The following DIPK2B variants were observed in gnomAD, a reference collection of about 807,000 sequenced individuals.
The protein encoded by DIPK2B is UPF0672 protein CXorf36.
A neutral mutation model predicts 22.2 loss-of-function variants in DIPK2B; 15 were observed. That is an observed-to-expected ratio of 0.68 (90% confidence interval 0.45 to 1.04). DIPK2B has a LOEUF of 1.04. Ranked by LOEUF, DIPK2B falls within the 50% of genes least tolerant of loss-of-function variation. DIPK2B has a pLI of 0.00. For synonymous variants in DIPK2B, 163 were observed against 153.2 expected, an observed-to-expected ratio of 1.06 and a Z score of -0.47; for missense variants, 345 against 348.3, an observed-to-expected ratio of 0.99 and a Z score of 0.08.
intron 2 of DIPK2B, among the ~76,000 whole-genome samples, chrX:45,174,531 AG>A (rs1460951276): frequency 9.0e-6 from 1 of 110,648 alleles, no homozygotes; most frequent in East Asian, 2.8e-4. Flanking sequence ...AAATCCAGGT[AG>A]GCTTCACAGA....
At chrX:45,184,897 CA>C (rs2047173612) in intron 2 of DIPK2B, among the ~76,000 whole-genome samples, 1 of 111,415 alleles carries the variant, frequency 9.0e-6, no homozygotes, top group African/African-American at 3.3e-5. Flanking sequence ...CTCTGTGGCT[CA>C]AAAGATAATG....
At chrX:45,162,833 T>A in intron 2 of DIPK2B, 1 of 754,473 alleles carries the variant, frequency 1.3e-6, no homozygotes, top group South Asian at 6.7e-5. Context: ...AACCAGTCAA[T>A]GTCTCTATTG....
At chrX:45,167,181 T>C (rs917805733) in intron 2 of DIPK2B, among the ~76,000 whole-genome samples, 1 of 112,305 alleles carries the variant, frequency 8.9e-6, no homozygotes, top group Non-Finnish European at 1.9e-5. Context: ...AACTCTTTTT[T>C]GGTTTGTGTC....
chrX:45,178,083 T>C (rs7057956), intron 2 of DIPK2B, among the ~76,000 whole-genome samples: 45,735 of 110,110 alleles, frequency 0.42, 7,812 homozygotes, highest in African/African-American at 0.66. Context: ...GTGCTTTTCT[T>C]ATCTGCTGTA....
At chrX:45,178,291 G>A (rs1189374393) in intron 2 of DIPK2B, among the ~76,000 whole-genome samples, 1 of 112,073 alleles carries the variant, frequency 8.9e-6, no homozygotes, top group Non-Finnish European at 1.9e-5. Context: ...AATTAAGAAA[G>A]ATGGCTTTAA....
intron 2 of DIPK2B, chrX:45,164,240 G>T: frequency 2.5e-6 from 3 of 1,199,704 alleles, no homozygotes; most frequent in Non-Finnish European, 3.4e-6. Flanking sequence ...CTCTGGCCCT[G>T]GTGACAGTCC....
At chrX:45,175,797 A>T (rs1366949911) in intron 2 of DIPK2B, among the ~76,000 whole-genome samples, 1 of 106,240 alleles carries the variant, frequency 9.4e-6, no homozygotes, top group Non-Finnish European at 1.9e-5. Context: ...AGTAAAAAAA[A>T]TTGAAGAAAA....
intron 2 of DIPK2B, chrX:45,163,740 G>C: frequency 6.6e-6 from 5 of 758,157 alleles, no homozygotes; most frequent in Non-Finnish European, 7.8e-6. Context: ...TCCATCACTA[G>C]GGCAAGAACA....
chrX:45,156,831 GTGTTTATTAAC>G (rs2046998189), intron 3 of DIPK2B, among the ~76,000 whole-genome samples: 1 of 111,457 alleles, frequency 9.0e-6, no homozygotes, highest in Admixed American at 9.5e-5. Context: ...CCTTTGGCCG[GTGTTTATTAAC>G]TGTCTTTGCT....
rs778708679 is a variant in DIPK2B, at chrX:45,153,474, T to TAGTGTGTG, written c.961+435_961+436insCACACACT. Among the ~76,000 whole-genome samples the TAGTGTGTG allele has an allele frequency of 3.5e-3, 259 of 73,857 alleles. 2 individuals carry two copies. The highest frequency in any genetic ancestry group is 0.013 in the African/African-American group (242 of 19,215). The allele number at this position is 73,857 out of a possible 115,157, so 64.1% of individuals were successfully genotyped here. On this transcript the variant is annotated intron_variant, in intron 4 of 4. Coordinates refer to ENST00000398000, the MANE Select transcript of DIPK2B (RefSeq NM_176819.4). ...TGAGTGGGAGATGGACCCAAAAGTTTTGTGTGTGTGTGTGTGTGTGTGTGT... is the reference window on the plus strand; with the variant it reads ...TGAGTGGGAGATGGACCCAAAAGTTTAGTGTGTGTGTGTGTGTGTGTGTGTGTGTGTGT...
intron 3 of DIPK2B, among the ~76,000 whole-genome samples, chrX:45,156,620 C>T (rs779442819): frequency 1.4e-4 from 16 of 111,393 alleles, no homozygotes; most frequent in Non-Finnish European, 2.8e-4. Context: ...CTATTGCTGA[C>T]GTTGGCTAAA....
intron 2 of DIPK2B, among the ~76,000 whole-genome samples, chrX:45,186,588 T>C (rs949903902): frequency 1.8e-5 from 2 of 112,835 alleles, no homozygotes; most frequent in Admixed American, 1.9e-4. Flanking sequence ...TATAGTCATG[T>C]TCTTTGTTAA....
In DIPK2B at chrX:45,197,782, A is replaced by G. The variant is rs991750087; in HGVS notation, c.233+2812T>C. On this transcript the variant is annotated intron_variant, in intron 1 of 4. Coordinates refer to ENST00000398000, the MANE Select transcript of DIPK2B (RefSeq NM_176819.4). ...AGTAGAAGCCTCCATTTAGATATAT[A>G]TATCTCCTTCAATTTTGTCTTTTTG... is the stretch of plus-strand genomic sequence containing the variant. Among the ~76,000 whole-genome samples the G allele has an allele frequency of 5.4e-5, 6 of 111,937 alleles. No homozygotes were observed. The East Asian group carries it at 8.4e-4, about 16-fold the overall frequency.
Position 45,181,907 on chromosome X carries a change from C to A in DIPK2B, c.498+9844G>T, listed in dbSNP as rs946291093. On this transcript the variant is annotated intron_variant, in intron 2 of 4. Transcript: ENST00000398000. ...TGGCAGCCTGGACAATACAGTGAGA[C>A]CCTGTCTCTACAAAAAAATAAAAGT... 3.6e-5 allele frequency among the ~76,000 whole-genome samples: 4 copies of A among 110,590 alleles called. No individual in the cohort carries two copies. The South Asian group carries it at 1.5e-3, about 42-fold the overall frequency.
chrX:45,164,144 A>G, intron 2 of DIPK2B: 1 of 1,159,495 alleles, frequency 8.6e-7, no homozygotes, highest in African/African-American at 1.8e-5. Context: ...GGAGAAGGCT[A>G]ACACTTTCTG....
intron 2 of DIPK2B, chrX:45,163,599 G>A: frequency 6.6e-6 from 5 of 754,088 alleles, no homozygotes; most frequent in Non-Finnish European, 7.8e-6. Context: ...CATTTAAAGA[G>A]TTCTTACCAG....
At chrX:45,162,301 T>C (rs1225944997) in intron 2 of DIPK2B, 1 of 650,281 alleles carries the variant, frequency 1.5e-6, no homozygotes, top group African/African-American at 2.4e-5. Flanking sequence ...GCAAAATAAA[T>C]GATTGTTGTT....
intron 2 of DIPK2B, among the ~76,000 whole-genome samples, chrX:45,190,864 G>C (rs776767339): frequency 2.7e-5 from 3 of 112,423 alleles, no homozygotes; most frequent in Admixed American, 9.4e-5. Flanking sequence ...AATCTCTACT[G>C]TACTGTTATT....
chrX:45,199,082 T>C (rs1158570153), intron 1 of DIPK2B, among the ~76,000 whole-genome samples: 1 of 111,971 alleles, frequency 8.9e-6, no homozygotes, highest in Non-Finnish European at 1.9e-5. Context: ...CCTCAATCAG[T>C]GGTCTTTCAA....
Sources: gnomAD v4.1 joint callset for allele counts (sites outside exome capture counted in the v4.1 genomes callset) on GRCh38, gnomAD v4.1.1 for gene constraint, MANE v1.5 for transcripts, NCBI Gene and HGNC (gene_info 2026-07-23, HGNC 2026-07-21) for gene names.